Variants in ADAMTS17 observed in about 807,000 individuals in gnomAD.
The protein encoded by ADAMTS17 is ADAM metallopeptidase with thrombospondin type 1 motif 17, also known as A disintegrin and metalloproteinase with thrombospondin motifs 17.
ADAMTS17 carries 113 observed loss-of-function variants against 141.5 expected under a neutral mutation model. The ratio of observed to expected loss-of-function variants is 0.80; its 90% CI spans 0.69 to 0.93. The LOEUF is 0.93. Ranked by LOEUF, ADAMTS17 falls within the 40% of genes least tolerant of loss-of-function variation. The pLI, the probability that ADAMTS17 is intolerant of heterozygous loss-of-function variation, is 0.00. For missense variants in ADAMTS17, 1,659 were observed against 1,517.9 expected, an observed-to-expected ratio of 1.09 and a Z score of -1.54; for synonymous variants, 768 against 630.6, an observed-to-expected ratio of 1.22 and a Z score of -3.27.
chr15:100,279,050 C>T (rs891662538), intron 4 of ADAMTS17, among the ~76,000 whole-genome samples: 4 of 152,168 alleles, frequency 2.6e-5, no homozygotes, highest in Non-Finnish European at 5.9e-5. Context: ...CTACCAGAGC[C>T]GAGATCCCAG....
At chr15:100,250,743 G>C (rs1236215920) in intron 7 of ADAMTS17, among the ~76,000 whole-genome samples, 1 of 152,184 alleles carries the variant, frequency 6.6e-6, no homozygotes, top group Admixed American at 6.5e-5. Flanking sequence ...CTGTAGTCTA[G>C]TTCACTCTAT....
At chr15:100,334,895 G>A (rs556647588) in intron 2 of ADAMTS17, among the ~76,000 whole-genome samples, 14 of 152,250 alleles carry the variant, frequency 9.2e-5, no homozygotes, top group Admixed American at 8.5e-4. Flanking sequence ...CCTCTCGTGT[G>A]GTCTTCCTTC....
chr15:100,315,966 A>G (rs1191882359), intron 3 of ADAMTS17, among the ~76,000 whole-genome samples: 1 of 152,082 alleles, frequency 6.6e-6, no homozygotes, highest in Non-Finnish European at 1.5e-5. Context: ...AGCCTTGAAC[A>G]CTCCCGAGGA....
chr15:100,278,719 C>T (rs911032607), intron 4 of ADAMTS17, among the ~76,000 whole-genome samples: 1 of 152,182 alleles, frequency 6.6e-6, no homozygotes, highest in African/African-American at 2.4e-5. Flanking sequence ...GACAAAGTAC[C>T]AGAGATTTGT....
In ADAMTS17 at chr15:100,001,512, T is replaced by C. The variant is rs544091640; in HGVS notation, c.2592-3923A>G. ...TGAGAATGAAGCCTAAGATGAACCA[T>C]AGATGTGGGTGACGATGATGTCGTG... On this transcript the variant is annotated intron_variant, in intron 18 of 21. Transcript: ENST00000268070. Among the ~76,000 whole-genome samples the C allele has an allele frequency of 1.2e-4, 19 of 152,188 alleles. 1 individual carries two copies. Among genetic ancestry groups the C allele is most frequent in the African/African-American group, 3.6e-4 (15 of 41,528 alleles).
intron 8 of ADAMTS17, among the ~76,000 whole-genome samples, chr15:100,182,658 T>C (rs2040566089): frequency 6.6e-6 from 1 of 152,218 alleles, no homozygotes; most frequent in Non-Finnish European, 1.5e-5. Flanking sequence ...TTTTTGATTC[T>C]TATGAAGGCA....
At chr15:100,318,321 G>A (rs1251219594) in intron 3 of ADAMTS17, among the ~76,000 whole-genome samples, 1 of 151,740 alleles carries the variant, frequency 6.6e-6, no homozygotes, top group Admixed American at 6.6e-5. Flanking sequence ...GAGTGTTTAT[G>A]TCCCCCTCAA....
rs999006595 is a variant in ADAMTS17, at chr15:100,070,055, C to T, written c.2138-16001G>A. 1.1e-4 allele frequency among the ~76,000 whole-genome samples: 16 copies of T among 149,834 alleles called. 2 individuals are homozygous for T. Among genetic ancestry groups the T allele is most frequent in the Non-Finnish European group, 1.5e-5 (1 of 67,430 alleles). On this transcript the variant is annotated intron_variant, in intron 15 of 21. Coordinates refer to ENST00000268070, the MANE Select transcript of ADAMTS17 (RefSeq NM_139057.4). ...AATAAAAGGATGGAGGAAGATCTAC[C>T]AAGCAAATGGAAAACAAAAAAAGGC... is the stretch of plus-strand genomic sequence containing the variant.
chr15:100,143,765 T>C (rs1380487674), intron 10 of ADAMTS17, among the ~76,000 whole-genome samples: 1 of 152,220 alleles, frequency 6.6e-6, no homozygotes, highest in Non-Finnish European at 1.5e-5. Flanking sequence ...TATGCAAATG[T>C]TTGAGAAACC....
intron 8 of ADAMTS17, among the ~76,000 whole-genome samples, chr15:100,177,093 G>T (rs1483522286): frequency 6.6e-6 from 1 of 152,204 alleles, no homozygotes; most frequent in Non-Finnish European, 1.5e-5. Context: ...GCAAGTTTTT[G>T]CATGAAAATG....
At chr15:99,984,078 C>T (rs532008420) in intron 20 of ADAMTS17, among the ~76,000 whole-genome samples, 27 of 152,144 alleles carry the variant, frequency 1.8e-4, no homozygotes, top group Non-Finnish European at 2.9e-4. Context: ...ACGCCCCCTG[C>T]GACGCCTGCT....
At position 100,238,413 on chromosome 15, in the gene ADAMTS17, G is replaced by C. The variant is rs572388673; in HGVS notation, c.1075+15723C>G. Among the ~76,000 whole-genome samples the C allele has an allele frequency of 3.9e-5, 6 of 152,334 alleles. No individual in the cohort carries two copies. The East Asian group carries it at 1.2e-3, about 29-fold the overall frequency. On this transcript the variant is annotated intron_variant, in intron 7 of 21. Transcript: ENST00000268070. Reference sequence around the variant, plus strand: ...CAACGGCCTTTGTTTGGTGCCTTGAGTGTCCCCAGGGCTGGAGCCGGGCCT... The same window carrying C: ...CAACGGCCTTTGTTTGGTGCCTTGACTGTCCCCAGGGCTGGAGCCGGGCCT...
In ADAMTS17 at chr15:100,029,660, G is replaced by C. The variant is rs116858657; in HGVS notation, c.2591+19197C>G. Among the ~76,000 whole-genome samples, 1,196 of 152,244 alleles carry C rather than the reference G, an allele frequency of 7.9e-3. 9 individuals are homozygous for C. Among genetic ancestry groups the C allele is most frequent in the Non-Finnish European group, 0.013 (851 of 68,018 alleles). On this transcript the variant is annotated intron_variant, in intron 18 of 21. Transcript: ENST00000268070. ...TGGGCTCTGGGCCCTGAAGTCTTCA[G>C]GAGATGAGGTAACCGACTACCTTTC...
chr15:100,111,289 G>C (rs569645466), intron 13 of ADAMTS17, among the ~76,000 whole-genome samples: 7 of 152,336 alleles, frequency 4.6e-5, no homozygotes, highest in Admixed American at 4.6e-4. Context: ...CATGTTTCAG[G>C]TCTGATGGGA....
intron 16 of ADAMTS17, among the ~76,000 whole-genome samples, chr15:100,053,266 A>T (rs2032285737): frequency 6.6e-6 from 1 of 152,178 alleles, no homozygotes; most frequent in Non-Finnish European, 1.5e-5. Context: ...AAAAGGAGGC[A>T]TCACTGATGT....
At chr15:100,175,034 A>G (rs980995735) in intron 8 of ADAMTS17, among the ~76,000 whole-genome samples, 3 of 152,068 alleles carry the variant, frequency 2.0e-5, no homozygotes, top group African/African-American at 7.2e-5. Flanking sequence ...AGAAGCACCC[A>G]CCTTCCAGCA....
intron 3 of ADAMTS17, among the ~76,000 whole-genome samples, chr15:100,322,629 A>C (rs1390546936): frequency 6.6e-6 from 1 of 152,246 alleles, no homozygotes; most frequent in East Asian, 1.9e-4. Flanking sequence ...CCCAGATGTT[A>C]GAATAGCAGA....
chr15:100,147,224 T>TACTC (rs1298828618), intron 10 of ADAMTS17, among the ~76,000 whole-genome samples: 1 of 152,178 alleles, frequency 6.6e-6, no homozygotes, highest in African/African-American at 2.4e-5. Context: ...CTCTCTTTTG[T>TACTC]ACTCTGTCCC....
rs938929399 is a variant in ADAMTS17, at chr15:100,096,164, C to G, written c.2137+192G>C. Among the ~76,000 whole-genome samples, 66 of 152,234 alleles carry G rather than the reference C, an allele frequency of 4.3e-4. 1 individual carries two copies. Among genetic ancestry groups the G allele is most frequent in the Non-Finnish European group, 1.6e-4 (11 of 68,038 alleles). ...TCCGTTCATGGCAAACTATTCACTA[C>G]TAGCAACGTGAAGGCATCATTCTTG... On this transcript the variant is annotated intron_variant, in intron 15 of 21. Coordinates refer to ENST00000268070, the MANE Select transcript of ADAMTS17 (RefSeq NM_139057.4).
Sources: gnomAD v4.1 joint callset for allele counts (sites outside exome capture counted in the v4.1 genomes callset) on GRCh38, gnomAD v4.1.1 for gene constraint, MANE v1.5 for transcripts, NCBI Gene and HGNC (gene_info 2026-07-23, HGNC 2026-07-21) for gene names.